The following ZFAT variants were observed in gnomAD, a reference collection of about 807,000 sequenced individuals.
The protein encoded by ZFAT is zinc finger protein ZFAT.
A neutral mutation model predicts 117.7 loss-of-function variants in ZFAT; 64 were observed. The observed-to-expected ratio is 0.54, with a 90% CI of 0.44 to 0.67. The LOEUF is 0.67. ZFAT is among the 30% of genes least tolerant of loss of function. The pLI, the probability that ZFAT is intolerant of heterozygous loss-of-function variation, is 0.00. For synonymous variants in ZFAT, 679 were observed against 615.0 expected (o/e 1.10, Z -1.54); for missense variants, 1,433 against 1,584.5 (o/e 0.90, Z 1.62).
At chr8:134,829,975 C>T in the ZFAT span, among the ~76,000 whole-genome samples, 1 of 152,124 alleles carries the variant, frequency 6.6e-6, no homozygotes, top group Non-Finnish European at 1.5e-5. Flanking sequence ...AATAAACGCT[C>T]GATAAAAATG....
chr8:134,708,824 T>C (rs1279087592), intron 1 of ZFAT, among the ~76,000 whole-genome samples: 1 of 152,054 alleles, frequency 6.6e-6, no homozygotes, highest in African/African-American at 2.4e-5. Flanking sequence ...TGGTGGCGCA[T>C]GCTTATAATC....
At chr8:134,670,126 G>A (rs1199107847) in intron 1 of ZFAT, among the ~76,000 whole-genome samples, 2 of 152,168 alleles carry the variant, frequency 1.3e-5, no homozygotes, top group Non-Finnish European at 2.9e-5. Flanking sequence ...TCTACAAAGA[G>A]ACTTAGACTC....
chr8:134,606,149 T>C (rs1827874347), intron 5 of ZFAT, among the ~76,000 whole-genome samples: 1 of 152,162 alleles, frequency 6.6e-6, no homozygotes, highest in African/African-American at 2.4e-5. Context: ...CTGGAACAGA[T>C]GGCAGCAGCA....
At position 134,657,615 on chromosome 8, in the gene ZFAT, G is replaced by A; in HGVS notation, c.142C>T (p.Pro48Ser). 1 of 1,614,024 alleles carries A rather than the reference G, an allele frequency of 6.2e-7. No homozygotes were observed. The highest frequency in any genetic ancestry group is 2.2e-5 in the East Asian group (1 of 44,884). ...EGVNVDEIII[P>S]LRPLSTPEPP... ...TCAGGTGTACTCAGAGGCCTAAGGG[G>A]AATAATAATCTCATCAACATTAACC... The change falls in exon 2 of 16, where the codon CCC (proline) becomes TCC (serine). Residue 48 changes from proline to serine, a missense_variant. Transcript: ENST00000377838.
intron 1 of ZFAT, among the ~76,000 whole-genome samples, chr8:134,699,581 C>T (rs1319409111): frequency 6.6e-6 from 1 of 152,148 alleles, no homozygotes; most frequent in East Asian, 1.9e-4. Flanking sequence ...GTGATGGAGT[C>T]CACTCAGTAG....
chr8:134,684,324 A>G (rs1833211859), intron 1 of ZFAT, among the ~76,000 whole-genome samples: 1 of 152,248 alleles, frequency 6.6e-6, no homozygotes, highest in Admixed American at 6.5e-5. Context: ...GTGTAATCCA[A>G]GAAAAATTAA....
At position 134,520,878 on chromosome 8, in the gene ZFAT, A is replaced by C; in HGVS notation, c.3234+5T>G. ...CAAGATTAATACCATACTTAAAAAA[A>C]TTACCTCCCACTTGGGGTCTCCATC... On this transcript the variant is annotated splice_donor_5th_base_variant and intron_variant, in intron 13 of 15. Coordinates refer to ENST00000377838, the MANE Select transcript of ZFAT (RefSeq NM_020863.4). 1 of 1,612,178 alleles carries C rather than the reference A, an allele frequency of 6.2e-7. No homozygotes were observed. Among genetic ancestry groups the C allele is most frequent in the Non-Finnish European group, 8.5e-7 (1 of 1,178,666 alleles).
intron 11 of ZFAT, among the ~76,000 whole-genome samples, chr8:134,540,729 T>C (rs943697157): frequency 2.6e-5 from 4 of 152,270 alleles, no homozygotes; most frequent in African/African-American, 9.6e-5. Context: ...ACCATCACTC[T>C]CATATGCCTT....
chr8:134,555,064 T>G lies in ZFAT; in HGVS notation c.2976+10269A>C, dbSNP rs892673341. 4.6e-5 allele frequency among the ~76,000 whole-genome samples: 7 copies of G among 152,060 alleles called. 1 individual carries two copies. Among genetic ancestry groups the G allele is most frequent in the Admixed American group, 3.9e-4 (6 of 15,268 alleles). Reference sequence around the variant, plus strand: ...TACTCATGGCTACAATTTATTATAGTAAAAGAATACAAAGCAAAATCAGCA... The same window carrying G: ...TACTCATGGCTACAATTTATTATAGGAAAAGAATACAAAGCAAAATCAGCA... On this transcript the variant is annotated intron_variant, in intron 11 of 15. Transcript: ENST00000377838.
At chr8:134,801,219 C>G in the ZFAT span, among the ~76,000 whole-genome samples, 1 of 152,134 alleles carries the variant, frequency 6.6e-6, no homozygotes. Flanking sequence ...AATTTCATCT[C>G]AGGCACATCT....
intron 15 of ZFAT, among the ~76,000 whole-genome samples, chr8:134,485,380 T>A (rs938954849): frequency 6.6e-6 from 1 of 152,344 alleles, no homozygotes; most frequent in Non-Finnish European, 1.5e-5. Flanking sequence ...CCCAGCACAG[T>A]CTTTTTTCAT....
intron 9 of ZFAT, among the ~76,000 whole-genome samples, chr8:134,586,112 T>C (rs1247721098): frequency 6.6e-6 from 1 of 152,248 alleles, no homozygotes; most frequent in African/African-American, 2.4e-5. Flanking sequence ...TGTACTGATA[T>C]CCTGTTTCCT....
chr8:134,515,510 C>A (rs566069405), intron 13 of ZFAT, among the ~76,000 whole-genome samples: 1 of 152,088 alleles, frequency 6.6e-6, no homozygotes. Context: ...TTCTAACTGG[C>A]GTGAGATGGT....
chr8:134,669,568 C>T (rs187763354), intron 1 of ZFAT, among the ~76,000 whole-genome samples: 18 of 152,206 alleles, frequency 1.2e-4, no homozygotes, highest in Admixed American at 9.2e-4. Context: ...ATTTTGTCAC[C>T]ACTAGGCCTG....
intron 1 of ZFAT, among the ~76,000 whole-genome samples, chr8:134,678,279 A>C (rs764095947): frequency 2.1e-4 from 32 of 152,130 alleles, no homozygotes; most frequent in Non-Finnish European, 3.7e-4. Context: ...TGCAAAAATC[A>C]CAAGCATTCC....
chr8:134,646,239 T>A (rs1830885259), intron 2 of ZFAT, among the ~76,000 whole-genome samples: 1 of 151,962 alleles, frequency 6.6e-6, no homozygotes. Context: ...CATTCAAGTA[T>A]GTGGAATTAA....
intron 11 of ZFAT, among the ~76,000 whole-genome samples, chr8:134,543,945 C>T (rs1163337023): frequency 6.6e-6 from 1 of 152,194 alleles, no homozygotes; most frequent in Non-Finnish European, 1.5e-5. Flanking sequence ...TTGAGCCAAA[C>T]TTGATGAGTT....
the ZFAT span, among the ~76,000 whole-genome samples, chr8:134,759,990 A>C: frequency 4.7e-5 from 7 of 148,778 alleles, no homozygotes; most frequent in East Asian, 3.9e-4. Context: ...AAAAAAAAAA[A>C]CAAACAGAGG....
chr8:134,704,139 T>A (rs1453794778), intron 1 of ZFAT, among the ~76,000 whole-genome samples: 1 of 152,168 alleles, frequency 6.6e-6, no homozygotes, highest in African/African-American at 2.4e-5. Context: ...GGGCCCCTTT[T>A]CCCTGCATTA....
Sources: allele counts gnomAD v4.1 joint callset (sites outside exome capture counted in the v4.1 genomes callset), GRCh38; gene constraint gnomAD v4.1.1; transcripts MANE v1.5; gene names NCBI Gene and HGNC (gene_info 2026-07-23, HGNC 2026-07-21).